The following INPP4B variants were observed in gnomAD, a reference collection of about 807,000 sequenced individuals.
INPP4B encodes inositol polyphosphate 4-phosphatase type II.
A neutral mutation model predicts 122.5 loss-of-function variants in INPP4B; 55 were observed. That is an observed-to-expected ratio of 0.45 (90% CI 0.36 to 0.56). The LOEUF (loss-of-function observed/expected upper bound fraction) is 0.56, where lower values mean the gene tolerates loss of function less well. Ranked by LOEUF, INPP4B falls within the 20% of genes least tolerant of loss-of-function variation. The pLI is 0.00. For missense variants in INPP4B, 1,000 were observed against 1,097.7 expected, an observed-to-expected ratio of 0.91 and a Z score of 1.26; for synonymous variants, 403 against 388.7, an observed-to-expected ratio of 1.04 and a Z score of -0.43.
chr4:142,749,311 T>C (rs921114318), intron 1 of INPP4B, among the ~76,000 whole-genome samples: 13 of 147,806 alleles, frequency 8.8e-5, no homozygotes, highest in Admixed American at 2.7e-4. Context: ...TATATATGTT[T>C]ATTTATATAT....
At chr4:142,058,808 T>A (rs1156354001) in intron 25 of INPP4B, among the ~76,000 whole-genome samples, 1 of 152,164 alleles carries the variant, frequency 6.6e-6, no homozygotes, top group African/African-American at 2.4e-5. Flanking sequence ...TTTCCCTATT[T>A]CTAAGAATAA....
intron 25 of INPP4B, among the ~76,000 whole-genome samples, chr4:142,079,171 G>T (rs1005194975): frequency 6.6e-6 from 1 of 151,910 alleles, no homozygotes; most frequent in African/African-American, 2.4e-5. Flanking sequence ...AGATTTAAGG[G>T]GTACAGGTGC....
chr4:142,029,978 G>A, intron 25 of INPP4B: 2 of 1,379,144 alleles, frequency 1.5e-6, no homozygotes. Context: ...AGTACTTTTT[G>A]TTTTTTAGAT....
chr4:142,675,200 G>A (rs560934247), intron 2 of INPP4B, among the ~76,000 whole-genome samples: 23 of 151,956 alleles, frequency 1.5e-4, no homozygotes, highest in Non-Finnish European at 2.2e-4. Context: ...ACAAACCACC[G>A]TCAGAGAATA....
At chr4:142,679,554 T>C (rs577742973) in intron 2 of INPP4B, among the ~76,000 whole-genome samples, 3 of 151,790 alleles carry the variant, frequency 2.0e-5, no homozygotes, top group Middle Eastern at 3.4e-3. Flanking sequence ...TCCAATATAG[T>C]TGTTGTGTAG....
chr4:142,066,848 C>A (rs907658368), intron 25 of INPP4B, among the ~76,000 whole-genome samples: 4 of 152,208 alleles, frequency 2.6e-5, no homozygotes, highest in Non-Finnish European at 5.9e-5. Context: ...ATGGAGCCCA[C>A]CACAGCTCAA....
intron 2 of INPP4B, among the ~76,000 whole-genome samples, chr4:142,629,846 C>T (rs1024855029): frequency 1.3e-5 from 2 of 152,086 alleles, no homozygotes; most frequent in African/African-American, 4.8e-5. Context: ...CCGAGGCTAG[C>T]ATCTGCTGCT....
chr4:142,749,322 A>C (rs1414092843), intron 1 of INPP4B, among the ~76,000 whole-genome samples: 1 of 148,308 alleles, frequency 6.7e-6, no homozygotes, highest in Non-Finnish European at 1.5e-5. Context: ...ATTTATATAT[A>C]TATGGTAAGA....
At chr4:142,455,741 T>C (rs867631291) in intron 3 of INPP4B, among the ~76,000 whole-genome samples, 4 of 152,040 alleles carry the variant, frequency 2.6e-5, no homozygotes, top group Non-Finnish European at 4.4e-5. Flanking sequence ...CTGTTTTTCA[T>C]AGTGATTGTA....
intron 11 of INPP4B, among the ~76,000 whole-genome samples, chr4:142,243,197 T>C (rs773795801): frequency 5.9e-5 from 9 of 152,212 alleles, no homozygotes; most frequent in Non-Finnish European, 1.2e-4. Flanking sequence ...ATGTAAACTT[T>C]TTGACTATTA....
intron 3 of INPP4B, among the ~76,000 whole-genome samples, chr4:142,435,913 C>G (rs1810388692): frequency 6.6e-6 from 1 of 152,048 alleles, no homozygotes; most frequent in African/African-American, 2.4e-5. Flanking sequence ...GGCGGCATCA[C>G]CACTGCTGCT....
At chr4:142,784,292 A>G (rs6816424) in intron 1 of INPP4B, among the ~76,000 whole-genome samples, 57,982 of 151,400 alleles carry the variant, frequency 0.38, 11,480 homozygotes, top group South Asian at 0.48. Context: ...GAACCCAGGA[A>G]GAGGAGGCTG....
At chr4:142,252,340 T>C (rs1042122233) in intron 11 of INPP4B, among the ~76,000 whole-genome samples, 2 of 150,618 alleles carry the variant, frequency 1.3e-5, no homozygotes, top group African/African-American at 4.9e-5. Context: ...AGGCGCCCGC[T>C]ACCACGCCCG....
intron 10 of INPP4B, among the ~76,000 whole-genome samples, chr4:142,263,381 C>T (rs1038457524): frequency 8.6e-5 from 13 of 152,034 alleles, no homozygotes; most frequent in Non-Finnish European, 1.8e-4. Flanking sequence ...CAGTCCTACA[C>T]TCTTCACTAC....
chr4:142,330,098 C>T (rs1027379971), intron 7 of INPP4B, among the ~76,000 whole-genome samples: 3 of 152,134 alleles, frequency 2.0e-5, no homozygotes, highest in Non-Finnish European at 2.9e-5. Flanking sequence ...TTCTGGCAGG[C>T]ACTTGTGGCA....
intron 2 of INPP4B, among the ~76,000 whole-genome samples, chr4:142,619,591 G>A (rs188019513): frequency 6.6e-6 from 1 of 152,080 alleles, no homozygotes; most frequent in East Asian, 1.9e-4. Context: ...TAGAATGGTT[G>A]TTGCCAGGGG....
intron 21 of INPP4B, among the ~76,000 whole-genome samples, chr4:142,112,956 C>T (rs1441092367): frequency 1.3e-5 from 2 of 152,222 alleles, no homozygotes; most frequent in South Asian, 2.1e-4. Context: ...GGGTCATGTG[C>T]ATTGATAGCC....
At chr4:142,807,337 G>A (rs1778988275) in intron 1 of INPP4B, among the ~76,000 whole-genome samples, 1 of 152,156 alleles carries the variant, frequency 6.6e-6, no homozygotes, top group Admixed American at 6.5e-5. Flanking sequence ...ATTCCAGGAG[G>A]ACGAGATTGC....
At position 142,381,088 on chromosome 4, in the gene INPP4B, C is replaced by T. The variant is rs1299011737; in HGVS notation, c.372+21850G>A. 2.6e-5 allele frequency among the ~76,000 whole-genome samples: 4 copies of T among 152,060 alleles called. No individual in the cohort carries two copies. In the East Asian group the frequency reaches 7.7e-4, roughly 29 times the overall value. On this transcript the variant is annotated intron_variant, in intron 7 of 25. Transcript: ENST00000262992. Reference sequence around the variant, plus strand: ...CACGATTTTCCATATATCTTTAAGTCCTGGTGTTTTGTTTCTATGAGGTTC... The same window carrying T: ...CACGATTTTCCATATATCTTTAAGTTCTGGTGTTTTGTTTCTATGAGGTTC...
Sources: allele counts gnomAD v4.1 joint callset (sites outside exome capture counted in the v4.1 genomes callset), GRCh38; gene constraint gnomAD v4.1.1; transcripts MANE v1.5; gene names NCBI Gene and HGNC (gene_info 2026-07-23, HGNC 2026-07-21).